The following ALG12 variants were observed in gnomAD, a reference collection of about 807,000 sequenced individuals.
The protein encoded by ALG12 is dol-P-Man:Man(7)GlcNAc(2)-PP-Dol alpha-1,6-mannosyltransferase.
Under a neutral mutation model 46.0 loss-of-function variants are expected in ALG12, and 36 were observed. The observed-to-expected ratio is 0.78, with a 90% confidence interval of 0.60 to 1.03. The LOEUF (loss-of-function observed/expected upper bound fraction) is 1.03, where lower values mean the gene tolerates loss of function less well. Among genes scored for constraint, ALG12 ranks in the 50% least tolerant of loss-of-function variants. The pLI, the probability that ALG12 is intolerant of heterozygous loss-of-function variation, is 0.00. For synonymous variants in ALG12, 326 were observed against 291.6 expected, an observed-to-expected ratio of 1.12 and a Z score of -1.20; for missense variants, 599 against 633.5, an observed-to-expected ratio of 0.95 and a Z score of 0.58.
rs1170013597 is a variant in ALG12, at chr22:49,906,051, T to G, written c.993-1545A>C. 6.6e-6 allele frequency among the ~76,000 whole-genome samples: 1 copy of G among 152,132 alleles called. No individual in the cohort carries two copies. Among genetic ancestry groups the G allele is most frequent in the Non-Finnish European group, 1.5e-5 (1 of 68,000 alleles). On this transcript the variant is annotated intron_variant, in intron 7 of 9. Transcript: ENST00000330817. The surrounding 1 kb of genome is among the most constrained non-coding windows in gnomAD (Gnocchi z 4.4). ...TCCCAGGGTGGCCGGGCTGAGGACC[T>G]GACTTCGGAGGGGGCCTTGCTCTAC...
chr22:49,907,665 A>G (rs1372045152), intron 7 of ALG12, 56 bp downstream of exon 7: 3 of 1,557,882 alleles, frequency 1.9e-6, no homozygotes, highest in African/African-American at 2.7e-5. Flanking sequence ...ACAGTAAATC[A>G]GTGAACCTGT....
Position 49,903,313 on chromosome 22 carries a change from G to A in ALG12, c.*525C>T, listed in dbSNP as rs1010576263. 4.4e-6 allele frequency: 2 copies of A among 456,822 alleles called. No homozygotes were observed. Among genetic ancestry groups the A allele is most frequent in the Admixed American group, 2.4e-5 (1 of 42,550 alleles). 28.3% of individuals were successfully genotyped at this position (456,822 alleles called of 1,614,324 possible). ...AAGATTTTATCTGTGATGGAGATGG[G>A]ATGCCTGTGAATACAAAAGTTGCAG... On this transcript the variant is annotated 3_prime_UTR_variant, in exon 10 of 10. Coordinates refer to ENST00000330817, the MANE Select transcript of ALG12 (RefSeq NM_024105.4).
chr22:49,917,659 C>T (rs2060620584), intron 1 of ALG12, among the ~76,000 whole-genome samples: 1 of 149,900 alleles, frequency 6.7e-6, no homozygotes, highest in African/African-American at 2.5e-5. Flanking sequence ...CAAAGTGAGA[C>T]TCCGTCTCAA....
At position 49,910,415 on chromosome 22, in the gene ALG12, CCGGCCGGCAGCTA is replaced by C; in HGVS notation, c.469+6_469+18del. 1 of 1,611,948 alleles carries C rather than the reference CCGGCCGGCAGCTA, an allele frequency of 6.2e-7. No individual in the cohort carries two copies. The highest frequency in any genetic ancestry group is 1.1e-5 in the South Asian group (1 of 90,916). On this transcript the variant is annotated splice_donor_region_variant and intron_variant, in intron 4 of 9. Coordinates refer to ENST00000330817, the MANE Select transcript of ALG12 (RefSeq NM_024105.4). The stretch of plus-strand genomic sequence containing the variant: ...TGCCCGGCACCATGGGTGTGCAGGC[CCGGCCGGCAGCTA>C]CGTACCTACAGGCAGGGCCAGCACA...
the ALG12 span, among the ~76,000 whole-genome samples, chr22:49,892,924 A>C: frequency 1.3e-5 from 2 of 152,258 alleles, no homozygotes; most frequent in African/African-American, 2.4e-5. Flanking sequence ...CAGGTGATCC[A>C]AATACTGGAG....
the ALG12 span, among the ~76,000 whole-genome samples, chr22:49,877,704 G>C: frequency 3.9e-5 from 6 of 152,092 alleles, no homozygotes; most frequent in African/African-American, 1.4e-4. Flanking sequence ...CAGCTGCTGT[G>C]AACATTTGCA....
chr22:49,869,436 T>A, the ALG12 span, among the ~76,000 whole-genome samples: 1 of 152,226 alleles, frequency 6.6e-6, no homozygotes, highest in Non-Finnish European at 1.5e-5. Context: ...CACTCTTGCG[T>A]GGACTTTAGT....
the ALG12 span, chr22:49,884,634 G>A: frequency 2.6e-5 from 42 of 1,612,452 alleles, 1 homozygote; most frequent in African/African-American, 1.7e-4. Flanking sequence ...ACCTGGGCAC[G>A]AGCTGCCTCA....
At chr22:49,909,415 G>T in intron 5 of ALG12, 68 bp from the exon 6 acceptor site, 1 of 1,462,122 alleles carries the variant, frequency 6.8e-7, no homozygotes, top group Non-Finnish European at 9.5e-7. Context: ...CCACAATGCA[G>T]CCCCCATCAC....
downstream of ALG12, among the ~76,000 whole-genome samples, chr22:49,896,782 C>G (rs1488399449): frequency 6.6e-6 from 1 of 152,010 alleles, no homozygotes; most frequent in Non-Finnish European, 1.5e-5. Context: ...ATTACAGGTG[C>G]CTGCCACCAC....
chr22:49,869,354 T>C, the ALG12 span, among the ~76,000 whole-genome samples: 115,070 of 152,176 alleles, frequency 0.76, 45,705 homozygotes, highest in East Asian at 0.91. Flanking sequence ...ACCCGCGTGG[T>C]GGTTATCCAC....
At chr22:49,865,128 C>T in the ALG12 span, among the ~76,000 whole-genome samples, 1 of 152,098 alleles carries the variant, frequency 6.6e-6, no homozygotes, top group South Asian at 2.1e-4. Context: ...TAGAGTGCAC[C>T]TACACAAACC....
rs995608705 is a variant in ALG12, at chr22:49,904,226, G to A, written c.1191C>T (p.Ala397=). The change falls in exon 9 of 10, where the codon GCC becomes GCT. Residue 397 remains alanine, a synonymous_variant. Transcript: ENST00000330817. ...TDVLLHIDVA[A]AQTGVSRFLQ... ...GAAACCGAGACACACCTGTCTGGGC[G>A]GCTGCCACGTCAATGTGCAGAAGGA... The A allele has an allele frequency of 6.8e-6, 11 of 1,614,006 alleles. No homozygotes were observed. The highest frequency in any genetic ancestry group is 2.2e-5 in the South Asian group (2 of 91,072).
the ALG12 span, among the ~76,000 whole-genome samples, chr22:49,861,838 C>T: frequency 0.073 from 11,158 of 152,184 alleles, 496 homozygotes; most frequent in South Asian, 0.17. Flanking sequence ...CTGACGTTGC[C>T]GTGTGTTGCA....
chr22:49,906,210 G>C lies in ALG12; in HGVS notation c.992+1511C>G, dbSNP rs1041571507. Among the ~76,000 whole-genome samples, 1 of 152,174 alleles carries C rather than the reference G, an allele frequency of 6.6e-6. No individual in the cohort carries two copies. The highest frequency in any genetic ancestry group is 1.5e-5 in the Non-Finnish European group (1 of 68,018). The stretch of plus-strand genomic sequence containing the variant: ...CCTCAAAGACACAGAGCTGGGTCCA[G>C]TTCCCACTGGATCTTCTTCCCTGCT... On this transcript the variant is annotated intron_variant, in intron 7 of 9. Coordinates refer to ENST00000330817, the MANE Select transcript of ALG12 (RefSeq NM_024105.4). This position sits in a 1 kb window ranked among gnomAD's most constrained non-coding sequence, Gnocchi z 4.4.
chr22:49,865,547 C>T, the ALG12 span, among the ~76,000 whole-genome samples: 1 of 151,924 alleles, frequency 6.6e-6, no homozygotes, highest in Non-Finnish European at 1.5e-5. Context: ...TGGTGGCAGG[C>T]ACCTGTAATC....
chr22:49,917,340 G>T (rs1601830347), intron 1 of ALG12, among the ~76,000 whole-genome samples: 1 of 152,192 alleles, frequency 6.6e-6, no homozygotes, highest in South Asian at 2.1e-4. Flanking sequence ...AGACCCTCTT[G>T]TCCCCATCAA....
chr22:49,896,268 G>C (rs2060483226), downstream of ALG12, among the ~76,000 whole-genome samples: 1 of 152,254 alleles, frequency 6.6e-6, no homozygotes, highest in African/African-American at 2.4e-5. Flanking sequence ...AACGTCTGTG[G>C]CTAAATCTCT....
At chr22:49,886,275 C>T in the ALG12 span, 37 of 1,370,710 alleles carry the variant, frequency 2.7e-5, 1 homozygote, top group South Asian at 1.5e-4. This position sits in a 1 kb window ranked among gnomAD's most constrained non-coding sequence, Gnocchi z 7.7. Context: ...AGAAACTGGC[C>T]GAGCTGCAGA....
Sources: gnomAD v4.1 joint callset for allele counts (sites outside exome capture counted in the v4.1 genomes callset) on GRCh38, gnomAD v4.1.1 for gene constraint, Gnocchi (gnomAD v3.1) non-coding constraint, MANE v1.5 for transcripts, NCBI Gene and HGNC (gene_info 2026-07-23, HGNC 2026-07-21) for gene names.